CACUL1: variants seen among roughly 807,000 people sequenced by gnomAD.
The protein encoded by CACUL1 is CDK2 associated cullin domain 1, also known as CDK2-associated and cullin domain-containing protein 1.
Under a neutral mutation model 45.2 loss-of-function variants are expected in CACUL1, and 13 were observed. The observed-to-expected ratio is 0.29, with a 90% confidence interval of 0.19 to 0.46. The LOEUF (loss-of-function observed/expected upper bound fraction) is 0.46. CACUL1 is among the 20% of genes least tolerant of loss of function. The pLI, the probability that CACUL1 is intolerant of heterozygous loss-of-function variation, is 1.00. For synonymous variants in CACUL1, 197 were observed against 174.2 expected (o/e 1.13, Z -1.03); for missense variants, 421 against 471.4 (o/e 0.89, Z 0.99).
Position 118,754,883 on chromosome 10 carries a change from G to A in CACUL1, c.-121C>T, listed in dbSNP as rs879863721. ...CGGCGGCAGGAATGGGCGCAGCGGA[G>A]AGGGCTGCGGTGCGCAGGGTCTCTC... On this transcript the variant is annotated 5_prime_UTR_variant, in exon 1 of 9. Transcript: ENST00000369151. 7 of 1,356,764 alleles carry A rather than the reference G, an allele frequency of 5.2e-6. No individual in the cohort carries two copies. The highest frequency in any genetic ancestry group is 4.6e-5 in the African/African-American group (3 of 65,292). 84.0% of individuals were successfully genotyped at this position (1,356,764 alleles called of 1,614,324 possible). A position where few individuals can be genotyped will look rare whatever the true frequency, so the allele number is the denominator to read the frequency against.
intron 6 of CACUL1, among the ~76,000 whole-genome samples, chr10:118,692,026 C>T (rs376672932): frequency 1.3e-4 from 20 of 151,964 alleles, no homozygotes; most frequent in Admixed American, 7.9e-4. Flanking sequence ...AATGTGATTA[C>T]CAAACAATTC....
chr10:118,687,829 T>A (rs1191760743), intron 7 of CACUL1, among the ~76,000 whole-genome samples: 1 of 152,146 alleles, frequency 6.6e-6, no homozygotes. Context: ...CAATATTATT[T>A]TTTTTTTACA....
chr10:118,694,702 G>A (rs1554894359), intron 6 of CACUL1, among the ~76,000 whole-genome samples: 1 of 152,124 alleles, frequency 6.6e-6, no homozygotes, highest in Non-Finnish European at 1.5e-5. Flanking sequence ...TCTTGTGATT[G>A]TCTCTCTCCC....
rs1845181167 is a variant in CACUL1, at chr10:118,683,939, C to T, written c.*2189G>A. The T allele has an allele frequency of 6.6e-6, 1 of 152,334 alleles. No homozygotes were observed. Among genetic ancestry groups the T allele is most frequent in the African/African-American group, 2.4e-5 (1 of 41,452 alleles). The allele number at this position is 152,334 out of a possible 1,614,324, so 9.4% of individuals were successfully genotyped here. ...GACTGGGAGACTATGTACAACCTTT[C>T]TATAGTGACTTCCAGTCAAGGTTTT... is the stretch of plus-strand genomic sequence containing the variant. On this transcript the variant is annotated 3_prime_UTR_variant, in exon 9 of 9. Transcript: ENST00000369151.
At position 118,686,156 on chromosome 10, in the gene CACUL1, G is replaced by C. The variant is rs765997439; in HGVS notation, c.1082C>G (p.Ala361Gly). The C allele has an allele frequency of 6.2e-7, 1 of 1,612,740 alleles. No homozygotes were observed. The highest frequency in any genetic ancestry group is 8.5e-7 in the Non-Finnish European group (1 of 1,178,818). Residue 361 changes from alanine (A) to glycine (G), a missense_variant, in exon 9 of 9, where the codon GCA (alanine) becomes GGA (glycine). By Grantham distance (60) the Ala-to-Gly change is moderately conservative (BLOSUM62 0). Transcript: ENST00000369151. ...GDELAYNSSSACASSRGYR is the reference protein window; with the variant it reads ...GDELAYNSSSGCASSRGYR The stretch of plus-strand genomic sequence containing the variant: ...TCTGTACCCCCTGGAACTTGCACAT[G>C]CTGACGAGCTATCTGAAAAAACATC...
chr10:118,738,050 A>C (rs1476206945), intron 1 of CACUL1, among the ~76,000 whole-genome samples: 1 of 152,226 alleles, frequency 6.6e-6, no homozygotes, highest in Non-Finnish European at 1.5e-5. Flanking sequence ...AAATAAGTCA[A>C]TCTCTCCTTG....
At chr10:118,687,602 G>A (rs1845220890) in intron 7 of CACUL1, among the ~76,000 whole-genome samples, 1 of 152,168 alleles carries the variant, frequency 6.6e-6, no homozygotes, top group Non-Finnish European at 1.5e-5. Flanking sequence ...GTGATCTCAT[G>A]TAGAAGACAG....
chr10:118,736,375 A>T (rs1845741124), intron 1 of CACUL1, among the ~76,000 whole-genome samples: 2 of 151,960 alleles, frequency 1.3e-5, no homozygotes, highest in African/African-American at 2.4e-5. Context: ...GCTAAGGTTG[A>T]TTTATTATTT....
At chr10:118,701,568 TTGTC>T (rs550979189) in intron 4 of CACUL1, among the ~76,000 whole-genome samples, 160 bp from the exon 5 acceptor site, 125 of 152,350 alleles carry the variant, frequency 8.2e-4, no homozygotes, top group African/African-American at 2.9e-3. Context: ...TATTAGTTAC[TTGTC>T]TTTCTGGCAC....
At chr10:118,744,128 G>T (rs1347081151) in intron 1 of CACUL1, among the ~76,000 whole-genome samples, 3 of 152,210 alleles carry the variant, frequency 2.0e-5, no homozygotes, top group African/African-American at 7.2e-5. Flanking sequence ...GCTCACGCCT[G>T]TAATCCTAGC....
chr10:118,731,802 C>G (rs1324860303), intron 1 of CACUL1, among the ~76,000 whole-genome samples: 5 of 151,854 alleles, frequency 3.3e-5, no homozygotes, highest in Non-Finnish European at 7.4e-5. Context: ...TTTGTCAAGA[C>G]CAAAAGAACT....
At chr10:118,743,539 G>A (rs1845811533) in intron 1 of CACUL1, among the ~76,000 whole-genome samples, 1 of 152,110 alleles carries the variant, frequency 6.6e-6, no homozygotes, top group African/African-American at 2.4e-5. Flanking sequence ...GACCAGCCTG[G>A]CCAACATGGT....
Position 118,754,946 on chromosome 10 carries a change from A to C in CACUL1, c.-184T>G, listed in dbSNP as rs549636528. On this transcript the variant is annotated 5_prime_UTR_variant, in exon 1 of 9. Coordinates refer to ENST00000369151, the MANE Select transcript of CACUL1 (RefSeq NM_153810.5). ...GCCGACTAGCTTGAAGACGCGGCTGACGGCGGTGGGCGCTCCGGGGCTCTA... is the reference window on the plus strand; with the variant it reads ...GCCGACTAGCTTGAAGACGCGGCTGCCGGCGGTGGGCGCTCCGGGGCTCTA... The C allele has an allele frequency of 1.3e-6, 1 of 743,030 alleles. No homozygotes were observed. The highest frequency in any genetic ancestry group is 4.0e-5 in the Admixed American group (1 of 25,088). The allele number at this position is 743,030 out of a possible 1,614,324, so 46.0% of individuals were successfully genotyped here. A position where few individuals can be genotyped will look rare whatever the true frequency, so the allele number is the denominator to read the frequency against.
chr10:118,733,752 C>A (rs943477344), intron 1 of CACUL1, among the ~76,000 whole-genome samples: 2 of 152,180 alleles, frequency 1.3e-5, no homozygotes, highest in Non-Finnish European at 2.9e-5. Context: ...TGGCTCATGC[C>A]TGTAATCCCA....
At chr10:118,710,090 A>ATTTT (rs113369997) in intron 3 of CACUL1, among the ~76,000 whole-genome samples, 139 of 139,972 alleles carry the variant, frequency 9.9e-4, no homozygotes, top group African/African-American at 3.3e-3. Flanking sequence ...TTTGTTTGGG[A>ATTTT]TTTTTTTTTT....
intron 3 of CACUL1, among the ~76,000 whole-genome samples, chr10:118,724,403 G>A (rs1845632605): frequency 6.6e-6 from 1 of 151,958 alleles, no homozygotes; most frequent in Non-Finnish European, 1.5e-5. Context: ...CAGCAGGGGG[G>A]GTGGTCCACA....
At position 118,684,701 on chromosome 10, in the gene CACUL1, TA is replaced by T. The variant is rs1408214994; in HGVS notation, c.*1426del. 1.3e-5 allele frequency: 2 copies of T among 152,092 alleles called. No individual in the cohort carries two copies. The highest frequency in any genetic ancestry group is 2.9e-5 in the Non-Finnish European group (2 of 68,002). The allele number at this position is 152,092 out of a possible 1,614,324, so 9.4% of individuals were successfully genotyped here. ...CACCCACACCACTCCCCCCAAAAAA[TA>T]AACTGAATTGGCAGAGGCAGCTGTA... On this transcript the variant is annotated 3_prime_UTR_variant, in exon 9 of 9. Transcript: ENST00000369151.
intron 3 of CACUL1, among the ~76,000 whole-genome samples, chr10:118,722,847 G>A (rs566655862): frequency 6.6e-6 from 1 of 152,336 alleles, no homozygotes; most frequent in African/African-American, 2.4e-5. Flanking sequence ...TGCCATGTCA[G>A]TTGACCATTG....
intron 1 of CACUL1, among the ~76,000 whole-genome samples, chr10:118,752,277 G>A (rs1053443221): frequency 2.6e-5 from 4 of 152,114 alleles, no homozygotes; most frequent in East Asian, 3.9e-4. Context: ...TCTCCATTAA[G>A]TATTATTATT....
Sources: gnomAD v4.1 joint callset for allele counts (sites outside exome capture counted in the v4.1 genomes callset) on GRCh38, gnomAD v4.1.1 for gene constraint, MANE v1.5 for transcripts, NCBI Gene and HGNC (gene_info 2026-07-23, HGNC 2026-07-21) for gene names.